The following NEK1 variants were observed in gnomAD, a reference collection of about 807,000 sequenced individuals.
The protein encoded by NEK1 is serine/threonine-protein kinase Nek1.
A neutral mutation model predicts 182.1 loss-of-function variants in NEK1; 137 were observed. The observed-to-expected ratio is 0.75, with a 90% CI of 0.65 to 0.87. The LOEUF (loss-of-function observed/expected upper bound fraction) is 0.87. Ranked by LOEUF, NEK1 falls within the 40% of genes least tolerant of loss-of-function variation. The pLI is 0.00. For missense variants in NEK1, 1,391 were observed against 1,494.4 expected, an observed-to-expected ratio of 0.93 and a Z score of 1.14; for synonymous variants, 513 against 492.2, an observed-to-expected ratio of 1.04 and a Z score of -0.56.
intron 11 of NEK1, among the ~76,000 whole-genome samples, chr4:169,578,943 C>T (rs1011799264): frequency 6.6e-6 from 1 of 152,122 alleles, no homozygotes; most frequent in African/African-American, 2.4e-5. Context: ...TTAGAACATA[C>T]ACATACACAT....
chr4:169,529,311 A>G (rs984288015), intron 19 of NEK1, among the ~76,000 whole-genome samples: 11 of 151,960 alleles, frequency 7.2e-5, no homozygotes, highest in Admixed American at 5.9e-4. Context: ...CAAAAAAAAG[A>G]GCAAAATAGA....
At chr4:169,608,237 A>G (rs62334513) in intron 2 of NEK1, among the ~76,000 whole-genome samples, 1,755 of 152,288 alleles carry the variant, frequency 0.012, 15 homozygotes, top group Non-Finnish European at 0.018. Flanking sequence ...AGCTACAATA[A>G]TTATGAAATA....
At chr4:169,443,393 T>A (rs912723760) in intron 27 of NEK1, among the ~76,000 whole-genome samples, 1 of 65,268 alleles carries the variant, frequency 1.5e-5, no homozygotes, top group African/African-American at 6.3e-5. Context: ...TTAAATAAAA[T>A]TACAACTGAG....
chr4:169,395,438 T>G (rs1730521534), intron 35 of NEK1, among the ~76,000 whole-genome samples: 2 of 152,202 alleles, frequency 1.3e-5, no homozygotes, highest in African/African-American at 4.8e-5. Context: ...CCTACTACAT[T>G]TTGCATACTT....
chr4:169,424,678 C>G lies in NEK1; in HGVS notation c.3097G>C (p.Val1033Leu). 1 of 1,613,818 alleles carries G rather than the reference C, an allele frequency of 6.2e-7. No homozygotes were observed. Among genetic ancestry groups the G allele is most frequent in the Non-Finnish European group, 8.5e-7 (1 of 1,179,808 alleles). Reference protein sequence around the residue: ...HLNLVPQVQSVQCSPEESFAF... With the variant: ...HLNLVPQVQSLQCSPEESFAF... ...AAGGATTCTTCTGGTGAACACTGAA[C>G]TGATTGAACTTGAGGGACTAAGTTC... The change falls in exon 31 of 36, where the codon GTT (valine) becomes CTT (leucine). Residue 1033 changes from valine to leucine, a missense_variant. Val to Leu is a conservative substitution (Grantham distance 32, BLOSUM62 1). Around this residue, in one of 5 missense-constraint regions of NEK1, gnomAD observed 1,216 missense variants for 1,277.6 expected, o/e 0.95. Transcript: ENST00000507142.
At chr4:169,410,082 A>G (rs1400453864) in intron 31 of NEK1, among the ~76,000 whole-genome samples, 1 of 152,182 alleles carries the variant, frequency 6.6e-6, no homozygotes, top group Non-Finnish European at 1.5e-5. Context: ...TTCTGATTCT[A>G]CTATTTCTAT....
At chr4:169,537,698 T>C (rs1580566848) in intron 19 of NEK1, 111 bp downstream of exon 19, 4 of 822,532 alleles carry the variant, frequency 4.9e-6, no homozygotes, top group Non-Finnish European at 8.3e-6. Context: ...CTGCCTCTTA[T>C]TATGCCTAGA....
chr4:169,472,981 G>A (rs1159402922), intron 26 of NEK1, among the ~76,000 whole-genome samples: 2 of 151,932 alleles, frequency 1.3e-5, no homozygotes, highest in African/African-American at 4.8e-5. Flanking sequence ...AATACTGGCC[G>A]GGCACAGTAG....
chr4:169,554,124 T>G (rs1421267138), intron 18 of NEK1: 2 of 152,198 alleles, frequency 1.3e-5, no homozygotes, highest in Non-Finnish European at 2.9e-5. Context: ...TAAAGTGTAG[T>G]ACATCCATTC....
At chr4:169,601,753 T>G (rs1160614086) in intron 4 of NEK1, among the ~76,000 whole-genome samples, 7 of 151,998 alleles carry the variant, frequency 4.6e-5, no homozygotes, top group African/African-American at 1.7e-4. Flanking sequence ...TAAGAATCAC[T>G]TGAACCTGGG....
At chr4:169,468,972 T>A (rs1745437532) in intron 26 of NEK1, among the ~76,000 whole-genome samples, 1 of 152,214 alleles carries the variant, frequency 6.6e-6, no homozygotes, top group African/African-American at 2.4e-5. Context: ...ATATCCCCTT[T>A]ATCATTTTTT....
At chr4:169,610,090 C>G (rs1772065368) in intron 2 of NEK1, among the ~76,000 whole-genome samples, 1 of 151,448 alleles carries the variant, frequency 6.6e-6, no homozygotes, top group African/African-American at 2.4e-5. Flanking sequence ...CCATTTCGGC[C>G]TCCGAGGTTC....
intron 5 of NEK1, among the ~76,000 whole-genome samples, chr4:169,597,344 T>C (rs1488640475): frequency 6.6e-6 from 1 of 152,064 alleles, no homozygotes; most frequent in East Asian, 1.9e-4. Context: ...AATGGCACAG[T>C]GGCTCGTGCC....
intron 26 of NEK1, 29 bp from the exon 27 acceptor site, chr4:169,463,424 T>G: frequency 6.5e-7 from 1 of 1,543,110 alleles, no homozygotes; most frequent in Non-Finnish European, 8.9e-7. Context: ...AAGAAACAAT[T>G]TTCAATAACA....
At position 169,463,326 on chromosome 4, in the gene NEK1, G is replaced by A. The variant is rs368699255; in HGVS notation, c.2504C>T (p.Pro835Leu). ...GSPRRAWGKS[P>L]TDSVLKILGE... ...AAGTATCTTTAGAACAGAATCTGTC[G>A]GACTTTTCCCCCAGGCTCTTCTTGG... is the stretch of plus-strand genomic sequence containing the variant. The change falls in exon 27 of 36, where the codon CCG becomes CTG. Residue 835 changes from proline (P) to leucine (L), a missense_variant. Pro to Leu is a moderately conservative substitution (Grantham distance 98). This residue lies in a region of NEK1 where 1,216 missense variants were observed against 1,277.6 expected (regional missense o/e 0.95). Transcript: ENST00000507142. The A allele has an allele frequency of 3.4e-5, 55 of 1,609,472 alleles. No individual in the cohort carries two copies. The highest frequency in any genetic ancestry group is 2.5e-4 in the South Asian group (23 of 90,436).
At chr4:169,409,155 C>CTTTTTTTTTTTTTTTT (rs1365338777) in intron 31 of NEK1, among the ~76,000 whole-genome samples, 1 of 151,422 alleles carries the variant, frequency 6.6e-6, no homozygotes, top group Non-Finnish European at 1.5e-5. Flanking sequence ...TATTGTTTTT[C>CTTTTTTTTTTTTTTTT]TTTTTTTTGA....
At chr4:169,459,488 A>T (rs1434936039) in intron 27 of NEK1, among the ~76,000 whole-genome samples, 1 of 152,190 alleles carries the variant, frequency 6.6e-6, no homozygotes, top group Non-Finnish European at 1.5e-5. Flanking sequence ...AAAACTAAAC[A>T]TACTCTTACT....
intron 19 of NEK1, among the ~76,000 whole-genome samples, chr4:169,534,295 G>A (rs1404976976): frequency 6.6e-6 from 1 of 152,156 alleles, no homozygotes; most frequent in African/African-American, 2.4e-5. Context: ...AAACAAAGGT[G>A]GTAAACCCAA....
intron 4 of NEK1, among the ~76,000 whole-genome samples, chr4:169,600,864 C>T (rs1489830975): frequency 6.6e-6 from 1 of 152,084 alleles, no homozygotes. Context: ...TTTTAAAATA[C>T]GCTACCCCTT....
Sources: gnomAD v4.1 joint callset for allele counts (sites outside exome capture counted in the v4.1 genomes callset) on GRCh38, gnomAD v4.1.1 for gene constraint, gnomAD v4.1.1 regional missense constraint, MANE v1.5 for transcripts, NCBI Gene and HGNC (gene_info 2026-07-23, HGNC 2026-07-21) for gene names.